The following MED13L variants were observed in gnomAD, a reference collection of about 807,000 sequenced individuals.
MED13L encodes the protein mediator of RNA polymerase II transcription subunit 13-like.
Under a neutral mutation model 220.9 loss-of-function variants are expected in MED13L, and 7 were observed. The ratio of observed to expected loss-of-function variants is 0.03; its 90% CI spans 0.02 to 0.06. MED13L has a LOEUF of 0.06. MED13L is among the 10% of genes least tolerant of loss of function. The pLI, the probability that MED13L is intolerant of heterozygous loss-of-function variation, is 1.00. For missense variants in MED13L, 1,965 were observed against 2,760.5 expected (o/e 0.71, Z 6.46); for synonymous variants, 1,011 against 1,015.2 (o/e 1.00, Z 0.08).
At position 115,983,311 on chromosome 12, in the gene MED13L, G is replaced by A. The variant is rs267603322; in HGVS notation, c.4761C>T (p.Val1587=). Residue 1587 remains valine (V), a synonymous_variant, in exon 21 of 31, where the codon GTC becomes GTT. Coordinates refer to ENST00000281928, the MANE Select transcript of MED13L (RefSeq NM_015335.5). The part of the protein sequence containing the change: ...SSASGSSVPP[V]SSSASAPGIS... ...TACCAGGAGCAGAGGCAGACGATGA[G>A]ACCGGTGGCACAGAGGAACCAGATG... is the stretch of plus-strand genomic sequence containing the variant. 2 of 1,614,212 alleles carry A rather than the reference G, an allele frequency of 1.2e-6. No individual in the cohort carries two copies. Among genetic ancestry groups the A allele is most frequent in the Non-Finnish European group, 1.7e-6 (2 of 1,180,030 alleles).
intron 2 of MED13L, among the ~76,000 whole-genome samples, chr12:116,189,553 C>T (rs1881132000): frequency 6.6e-6 from 1 of 152,016 alleles, no homozygotes; most frequent in Admixed American, 6.6e-5. Context: ...GGTATCAGTT[C>T]TAAGAACTAT....
rs572543535 is a variant in MED13L at position 116,144,759 on chromosome 12, T to TG, written c.311-33248dup. On this transcript the variant is annotated intron_variant, in intron 2 of 30. Transcript: ENST00000281928. ...TTGTTTTCCCAAAAGGTAAGTCATC[T>TG]GGGCACTGAATCTGATATGCAATTA... Among the ~76,000 whole-genome samples the TG allele has an allele frequency of 2.0e-5, 3 of 152,350 alleles. No homozygotes were observed. The East Asian group carries it at 5.8e-4, about 29-fold the overall frequency.
At chr12:116,031,820 A>AAAAGAAAG (rs981363089) in intron 4 of MED13L, among the ~76,000 whole-genome samples, 1 of 136,012 alleles carries the variant, frequency 7.4e-6, no homozygotes, top group Non-Finnish European at 1.6e-5. Flanking sequence ...GAGAAAGAAA[A>AAAAGAAAG]AAAGAAAGAA....
intron 1 of MED13L, among the ~76,000 whole-genome samples, chr12:116,255,373 T>A (rs1871952124): frequency 1.3e-5 from 2 of 152,332 alleles, no homozygotes; most frequent in South Asian, 2.1e-4. Flanking sequence ...GTAAATTAAC[T>A]TAAAATAAGT....
chr12:116,093,390 AT>A (rs937234437), intron 4 of MED13L, among the ~76,000 whole-genome samples: 4 of 152,092 alleles, frequency 2.6e-5, no homozygotes, highest in Admixed American at 2.6e-4. Context: ...TCAAATACAT[AT>A]TTTTAATATA....
At chr12:116,146,449 T>C (rs1056021525) in intron 2 of MED13L, among the ~76,000 whole-genome samples, 1 of 152,006 alleles carries the variant, frequency 6.6e-6, no homozygotes, top group Non-Finnish European at 1.5e-5. Context: ...TCCTTTTTTT[T>C]TTTTAAAGCT....
At chr12:116,152,505 T>C (rs1025066747) in intron 2 of MED13L, among the ~76,000 whole-genome samples, 8 of 152,124 alleles carry the variant, frequency 5.3e-5, no homozygotes, top group Admixed American at 4.6e-4. Flanking sequence ...TTTCATATCA[T>C]CCTTGGGGGA....
chr12:115,980,666 G>C (rs1392308962), intron 23 of MED13L, 84 bp downstream of exon 23: 1 of 1,438,362 alleles, frequency 7.0e-7, no homozygotes, highest in East Asian at 2.3e-5. Flanking sequence ...TAAGCAACCA[G>C]CCAATCTCTG....
At chr12:116,109,517 C>A (rs1333942165) in intron 3 of MED13L, among the ~76,000 whole-genome samples, 1 of 151,892 alleles carries the variant, frequency 6.6e-6, no homozygotes, top group Non-Finnish European at 1.5e-5. Context: ...AGGAATAAAT[C>A]ATGATATTAA....
intron 2 of MED13L, among the ~76,000 whole-genome samples, chr12:116,150,154 C>T (rs1226423278): frequency 2.6e-5 from 4 of 152,212 alleles, no homozygotes; most frequent in Admixed American, 2.6e-4. Context: ...AGAGCTGACG[C>T]TGAGATCGCT....
chr12:116,030,650 G>A (rs533733764), intron 4 of MED13L, among the ~76,000 whole-genome samples: 1 of 152,234 alleles, frequency 6.6e-6, no homozygotes, highest in Non-Finnish European at 1.5e-5. Flanking sequence ...ACTGATTTAA[G>A]GAGAGGGATG....
At chr12:116,063,389 G>A (rs968858266) in intron 4 of MED13L, among the ~76,000 whole-genome samples, 3 of 152,164 alleles carry the variant, frequency 2.0e-5, no homozygotes, top group African/African-American at 7.2e-5. Context: ...ATAGTAGCCT[G>A]TGCCTCTAGT....
At chr12:116,021,696 A>G (rs767581039) in intron 5 of MED13L, among the ~76,000 whole-genome samples, 3 of 152,174 alleles carry the variant, frequency 2.0e-5, no homozygotes, top group Non-Finnish European at 4.4e-5. Flanking sequence ...GACTATTTCA[A>G]CCAGTCATCT....
At chr12:115,992,368 T>C (rs1448261715) in intron 16 of MED13L, among the ~76,000 whole-genome samples, 2 of 152,042 alleles carry the variant, frequency 1.3e-5, no homozygotes, top group Non-Finnish European at 2.9e-5. Flanking sequence ...TAGGATGAAA[T>C]TTCCATCTAA....
chr12:116,264,764 C>A (rs1872721170), intron 1 of MED13L, among the ~76,000 whole-genome samples: 1 of 152,186 alleles, frequency 6.6e-6, no homozygotes, highest in Admixed American at 6.5e-5. Context: ...AAACACAAAT[C>A]TACCTTTCAG....
At chr12:116,261,529 T>C (rs951798407) in intron 1 of MED13L, among the ~76,000 whole-genome samples, 1 of 151,538 alleles carries the variant, frequency 6.6e-6, no homozygotes, top group African/African-American at 2.4e-5. Flanking sequence ...AACAGGCAGA[T>C]TATAAGTGCT....
intron 25 of MED13L, among the ~76,000 whole-genome samples, chr12:115,974,581 T>C (rs887727607): frequency 6.6e-6 from 1 of 152,210 alleles, no homozygotes; most frequent in Non-Finnish European, 1.5e-5. Flanking sequence ...GTTAAATTTA[T>C]GACAAAGAAT....
chr12:116,019,258 C>T lies in MED13L; in HGVS notation c.975G>A (p.Leu325=). Residue 325 remains leucine, a synonymous_variant, in exon 7 of 31, where the codon CTG becomes CTA. Transcript: ENST00000281928. ...CCTGTTCTGGAGAGGTGGGAGGGGTCAGAGGCATCCCACAGTTACTTGGGT... is the reference window on the plus strand; with the variant it reads ...CCTGTTCTGGAGAGGTGGGAGGGGTTAGAGGCATCCCACAGTTACTTGGGT... The part of the protein sequence containing the change: ...VKDPSNCGMP[L]TPPTSPEQAI... 2 of 1,613,908 alleles carry T rather than the reference C, an allele frequency of 1.2e-6. No homozygotes were observed. Among genetic ancestry groups the T allele is most frequent in the Non-Finnish European group, 1.7e-6 (2 of 1,179,942 alleles).
chr12:115,983,778 TTG>T (rs1877501058), intron 20 of MED13L, among the ~76,000 whole-genome samples: 1 of 152,170 alleles, frequency 6.6e-6, no homozygotes. Flanking sequence ...AATCAATCAC[TTG>T]TGATAGTCTC....
Sources: gnomAD v4.1 joint callset for allele counts (sites outside exome capture counted in the v4.1 genomes callset) on GRCh38, gnomAD v4.1.1 for gene constraint, MANE v1.5 for transcripts, NCBI Gene and HGNC (gene_info 2026-07-23, HGNC 2026-07-21) for gene names.